The following IFT140 variants were observed in gnomAD, a reference collection of about 807,000 sequenced individuals.
IFT140 encodes the protein intraflagellar transport protein 140 homolog.
IFT140 carries 133 observed loss-of-function variants against 164.6 expected under a neutral mutation model. That is an observed-to-expected ratio of 0.81 (90% confidence interval 0.70 to 0.93). The LOEUF (loss-of-function observed/expected upper bound fraction) is 0.93, where lower values mean the gene tolerates loss of function less well. IFT140 is among the 40% of genes least tolerant of loss of function. The probability of loss-of-function intolerance (pLI) is 0.00; values close to 1 mark genes in which losing one functional copy is unlikely to be tolerated. For missense variants in IFT140, 2,045 were observed against 1,972.3 expected (o/e 1.04, Z -0.70); for synonymous variants, 860 against 817.3 (o/e 1.05, Z -0.89).
chr16:1,565,647 G>C (rs2033671574), intron 16 of IFT140, among the ~76,000 whole-genome samples: 1 of 152,230 alleles, frequency 6.6e-6, no homozygotes, highest in Admixed American at 6.5e-5. Flanking sequence ...GGCGGGCTCA[G>C]CTCCGTGGCC....
Position 1,525,904 on chromosome 16 carries a change from G to A in IFT140, c.2751C>T (p.Cys917=), listed in dbSNP as rs368887768. 2.8e-5 allele frequency: 44 copies of A among 1,551,418 alleles called. No homozygotes were observed. The highest frequency in any genetic ancestry group is 3.7e-5 in the Non-Finnish European group (43 of 1,149,668). Residue 917 remains cysteine (C), a synonymous_variant, in exon 21 of 31, where the codon TGC becomes TGT. Coordinates refer to ENST00000426508, the MANE Select transcript of IFT140 (RefSeq NM_014714.4). ...YAGHLEASAD[C]SRALSYYEKS... is the part of the protein sequence containing the mutation. The stretch of plus-strand genomic sequence containing the variant: ...GCACTCACTAACTGAGGGCCCGGCT[G>A]CAGTCGGCGCTGGCCTCCAGGTGCC...
chr16:1,529,740 G>C (rs571447912), intron 19 of IFT140, among the ~76,000 whole-genome samples: 3 of 152,184 alleles, frequency 2.0e-5, no homozygotes. Context: ...AAAAATCCAC[G>C]TGGAAGGACC....
At chr16:1,548,893 C>T (rs938608882) in intron 19 of IFT140, among the ~76,000 whole-genome samples, 5 of 152,196 alleles carry the variant, frequency 3.3e-5, no homozygotes, top group Non-Finnish European at 7.4e-5. Flanking sequence ...TATTTGTTGG[C>T]TTTTTACTGC....
At chr16:1,570,911 A>G (rs1442499962) in intron 14 of IFT140, among the ~76,000 whole-genome samples, 1 of 152,112 alleles carries the variant, frequency 6.6e-6, no homozygotes, top group African/African-American at 2.4e-5. Context: ...ACGTGCCACC[A>G]TGCCCAGCTA....
intron 7 of IFT140, among the ~76,000 whole-genome samples, chr16:1,588,301 G>A (rs1028639311): frequency 2.0e-5 from 3 of 152,060 alleles, no homozygotes; most frequent in Non-Finnish European, 4.4e-5. Flanking sequence ...CGAGGCAGGC[G>A]GATCATGAGG....
rs1444870522 is a variant in IFT140, at chr16:1,541,275, G to A, written c.2400-14479C>T. ...GGCAGATGGGGTGACGGGGCCCCAG[G>A]AGGTGAGGGGGGCAGGTGGGGGGCA... On this transcript the variant is annotated intron_variant, in intron 19 of 30. Transcript: ENST00000426508. 3.0e-6 allele frequency: 3 copies of A among 985,278 alleles called. No individual in the cohort carries two copies. In the Admixed American group the frequency reaches 1.8e-4, roughly 61 times the overall value. 61.0% of individuals were successfully genotyped at this position (985,278 alleles called of 1,614,324 possible).
intron 18 of IFT140, among the ~76,000 whole-genome samples, chr16:1,558,431 T>C (rs1182160282): frequency 6.6e-6 from 1 of 152,230 alleles, no homozygotes; most frequent in Non-Finnish European, 1.5e-5. Context: ...TCAGGTAGAA[T>C]TTTCCAAAAC....
intron 19 of IFT140, among the ~76,000 whole-genome samples, chr16:1,528,384 T>C (rs1042096764): frequency 2.7e-5 from 4 of 147,390 alleles, no homozygotes; most frequent in Admixed American, 6.7e-5. Context: ...TGCACGCACG[T>C]GTGCACACAC....
chr16:1,602,873 G>A (rs1217779183), intron 3 of IFT140, among the ~76,000 whole-genome samples: 1 of 152,176 alleles, frequency 6.6e-6, no homozygotes, highest in Admixed American at 6.5e-5. Flanking sequence ...CCAGGAGGCA[G>A]AGGTTGCAGC....
Position 1,520,058 on chromosome 16 carries a change from G to T in IFT140, c.3874-11C>A. 6.2e-7 allele frequency: 1 copy of T among 1,605,696 alleles called. No homozygotes were observed. On this transcript the variant is annotated splice_polypyrimidine_tract_variant and intron_variant, in intron 28 of 30. Coordinates refer to ENST00000426508, the MANE Select transcript of IFT140 (RefSeq NM_014714.4). ...TTCATCAATCTCCACCTGTACAGAT[G>T]AAACCCGTCAAGACCTGCCGGGCTC...
intron 22 of IFT140, 99 bp from the exon 23 acceptor site, chr16:1,525,015 C>T: frequency 1.4e-6 from 2 of 1,470,400 alleles, no homozygotes; most frequent in Middle Eastern, 2.5e-4. Flanking sequence ...GTGCATGTCA[C>T]CTGACCTGCA....
At position 1,511,059 on chromosome 16, in the gene IFT140, C is replaced by G; in HGVS notation, c.4274G>C (p.Arg1425Pro). 1 of 1,607,106 alleles carries G rather than the reference C, an allele frequency of 6.2e-7. No individual in the cohort carries two copies. Among genetic ancestry groups the G allele is most frequent in the Non-Finnish European group, 8.5e-7 (1 of 1,176,778 alleles). ...VSPQAVDAVH[R>P]GLGLPLPRTV... ...GCGTGGCAGTGGGAGACCCAGCCCCCGGTGCACGGCGTCCACGGCCTGCGG... is the reference window on the plus strand; with the variant it reads ...GCGTGGCAGTGGGAGACCCAGCCCCGGGTGCACGGCGTCCACGGCCTGCGG... Residue 1425 changes from arginine (R) to proline (P), a missense_variant, in exon 31 of 31, where the codon CGG becomes CCG. Transcript: ENST00000426508.
chr16:1,585,543 A>G (rs187755630), intron 10 of IFT140, among the ~76,000 whole-genome samples: 72 of 152,312 alleles, frequency 4.7e-4, no homozygotes, highest in African/African-American at 1.6e-3. Context: ...ATCATGAGTT[A>G]TATCTCAGTA....
intron 3 of IFT140, 33 bp downstream of exon 3, chr16:1,607,087 C>T: frequency 6.2e-7 from 1 of 1,607,526 alleles, no homozygotes; most frequent in Non-Finnish European, 8.5e-7. Flanking sequence ...CCAGAAGCTA[C>T]CACAGTCAGG....
intron 3 of IFT140, among the ~76,000 whole-genome samples, chr16:1,604,059 TTAA>T (rs1205560121): frequency 5.3e-5 from 8 of 152,250 alleles, no homozygotes; most frequent in African/African-American, 1.7e-4. Flanking sequence ...ACTTTGGAAT[TTAA>T]TAATATTTAT....
rs373868663 is a variant in IFT140, at chr16:1,524,778, C to T, written c.2997+6G>A. Reference sequence around the variant, plus strand: ...CGCCTGGCCGGCTCCCCTGCGGGGACCTTACCTTCTGGACATTGCCCTGGA... The same window carrying T: ...CGCCTGGCCGGCTCCCCTGCGGGGATCTTACCTTCTGGACATTGCCCTGGA... On this transcript the variant is annotated splice_donor_region_variant and intron_variant, in intron 23 of 30. Transcript: ENST00000426508. The T allele has an allele frequency of 6.2e-7, 1 of 1,603,340 alleles. No homozygotes were observed. The highest frequency in any genetic ancestry group is 2.2e-5 in the East Asian group (1 of 44,516).
intron 4 of IFT140, among the ~76,000 whole-genome samples, chr16:1,601,028 C>T (rs575838341): frequency 6.6e-6 from 1 of 151,964 alleles, no homozygotes. Flanking sequence ...TTTGGGAGGC[C>T]GAGGCAGGCA....
intron 30 of IFT140, 69 bp from the exon 31 acceptor site, chr16:1,511,219 A>T: frequency 6.9e-7 from 1 of 1,453,826 alleles, no homozygotes. Flanking sequence ...CCTGCAGGCC[A>T]GGCACGTGCT....
Position 1,511,036 on chromosome 16 carries a change from G to A in IFT140, c.4297C>T (p.Arg1433Cys), listed in dbSNP as rs141392067. 1,968 of 1,606,138 alleles carry A rather than the reference G, an allele frequency of 1.2e-3. 2 individuals are homozygous for A. Among genetic ancestry groups the A allele is most frequent in the Middle Eastern group, 2.8e-3 (17 of 6,036 alleles). The change falls in exon 31 of 31, where the codon CGC (arginine) becomes TGC (cysteine). Residue 1433 changes from arginine to cysteine, a missense_variant. By Grantham distance (180) the Arg-to-Cys change is radical (BLOSUM62 -3). Transcript: ENST00000426508. The part of the protein sequence containing the change: ...VHRGLGLPLP[R>C]TVPEQVRHNS... ...TGGCGGACCTGCTCGGGGACGGTGC[G>A]TGGCAGTGGGAGACCCAGCCCCCGG...
Sources: allele counts gnomAD v4.1 joint callset (sites outside exome capture counted in the v4.1 genomes callset), GRCh38; gene constraint gnomAD v4.1.1; transcripts MANE v1.5; gene names NCBI Gene and HGNC (gene_info 2026-07-23, HGNC 2026-07-21).